Variants in DNER observed in about 807,000 individuals in gnomAD.
DNER encodes the protein delta and Notch-like epidermal growth factor-related receptor.
Under a neutral mutation model 78.2 loss-of-function variants are expected in DNER, and 33 were observed. The ratio of observed to expected loss-of-function variants is 0.42; its 90% CI spans 0.32 to 0.56. DNER has a LOEUF of 0.56. Among genes scored for constraint, DNER ranks in the 20% least tolerant of loss-of-function variants. DNER has a pLI of 0.11. For synonymous variants in DNER, 417 were observed against 384.8 expected (o/e 1.08, Z -0.98); for missense variants, 918 against 975.3 (o/e 0.94, Z 0.78).
intron 7 of DNER, among the ~76,000 whole-genome samples, chr2:229,451,025 C>T (rs1033561551): frequency 1.3e-5 from 2 of 152,214 alleles, no homozygotes; most frequent in Admixed American, 6.5e-5. Flanking sequence ...TCCCATCGTC[C>T]ACTGCCTCTA....
At chr2:229,554,286 G>A (rs1344595110) in intron 4 of DNER, among the ~76,000 whole-genome samples, 1 of 152,186 alleles carries the variant, frequency 6.6e-6, no homozygotes, top group African/African-American at 2.4e-5. Context: ...AGCCAGGCAT[G>A]GTGGCTCACA....
At chr2:229,361,805 A>T (rs1207818434) in intron 12 of DNER, among the ~76,000 whole-genome samples, 1 of 151,790 alleles carries the variant, frequency 6.6e-6, no homozygotes, top group Non-Finnish European at 1.5e-5. Flanking sequence ...ACTTTTTTCA[A>T]TCGATAGTCT....
At chr2:229,669,049 G>A (rs1699161727) in intron 1 of DNER, among the ~76,000 whole-genome samples, 1 of 152,066 alleles carries the variant, frequency 6.6e-6, no homozygotes. Flanking sequence ...CATAAAAAAG[G>A]ATGAGTTCAT....
intron 5 of DNER, among the ~76,000 whole-genome samples, chr2:229,539,847 C>A (rs1559160984): frequency 2.0e-5 from 3 of 152,132 alleles, no homozygotes; most frequent in South Asian, 2.1e-4. Context: ...TACTTGCAAA[C>A]CTCTCCCACA....
chr2:229,697,022 G>A (rs1699672465), intron 1 of DNER, among the ~76,000 whole-genome samples: 1 of 152,102 alleles, frequency 6.6e-6, no homozygotes, highest in African/African-American at 2.4e-5. Flanking sequence ...TAAAAACTGA[G>A]ACTCAAACAC....
intron 11 of DNER, among the ~76,000 whole-genome samples, chr2:229,386,949 C>T (rs1692880822): frequency 6.6e-6 from 1 of 152,022 alleles, no homozygotes; most frequent in African/African-American, 2.4e-5. Flanking sequence ...CCAGAAATAC[C>T]ATTTGACCCA....
At chr2:229,427,289 C>T (rs1446034355) in intron 8 of DNER, among the ~76,000 whole-genome samples, 1 of 152,210 alleles carries the variant, frequency 6.6e-6, no homozygotes, top group African/African-American at 2.4e-5. Context: ...TGCAGAGGCT[C>T]TCTGGCTTTA....
intron 1 of DNER, among the ~76,000 whole-genome samples, chr2:229,628,839 A>G (rs1698389349): frequency 6.6e-6 from 1 of 152,198 alleles, no homozygotes; most frequent in South Asian, 2.1e-4. Flanking sequence ...TCAAAAAGGT[A>G]CTACCCCTGG....
At chr2:229,399,205 C>A (rs1264819879) in intron 10 of DNER, among the ~76,000 whole-genome samples, 1 of 151,588 alleles carries the variant, frequency 6.6e-6, no homozygotes, top group African/African-American at 2.4e-5. Context: ...CTAGTAAGTT[C>A]AGCAAGGTCA....
Position 229,686,854 on chromosome 2 carries a change from G to A in DNER, c.276+27294C>T, listed in dbSNP as rs73095394. 4.2e-3 allele frequency among the ~76,000 whole-genome samples: 640 copies of A among 152,240 alleles called. 5 individuals are homozygous for A. The highest frequency in any genetic ancestry group is 0.015 in the African/African-American group (603 of 41,534). ...ATGCTAGGGAAGAGGAGTCTTTTGT[G>A]GACTTACAATCAATTCCCTTCACAT... On this transcript the variant is annotated intron_variant, in intron 1 of 12. Transcript: ENST00000341772.
intron 6 of DNER, among the ~76,000 whole-genome samples, chr2:229,504,099 T>A (rs1695683128): frequency 6.6e-6 from 1 of 152,178 alleles, no homozygotes; most frequent in Non-Finnish European, 1.5e-5. Flanking sequence ...GGAGATGGCC[T>A]GTGGTGACGT....
intron 4 of DNER, among the ~76,000 whole-genome samples, chr2:229,555,997 T>A (rs564516760): frequency 1.3e-5 from 2 of 152,232 alleles, no homozygotes; most frequent in Non-Finnish European, 2.9e-5. Flanking sequence ...TTAAGATCTA[T>A]ATCATCTCTG....
Position 229,604,431 on chromosome 2 carries a change from GTTC to G in DNER, c.277-12546_277-12544del, listed in dbSNP as rs1197543386. Among the ~76,000 whole-genome samples, 3 of 152,170 alleles carry G rather than the reference GTTC, an allele frequency of 2.0e-5. No homozygotes were observed. In the East Asian group the frequency reaches 5.8e-4, roughly 29 times the overall value. ...CAGAGTATTCCCTACCAGGAAGAGT[GTTC>G]TTCTGTATCTGTTAGGCTCGGTGGC... On this transcript the variant is annotated intron_variant, in intron 1 of 12. Transcript: ENST00000341772.
At chr2:229,424,485 T>C (rs958943813) in intron 8 of DNER, among the ~76,000 whole-genome samples, 1 of 152,138 alleles carries the variant, frequency 6.6e-6, no homozygotes, top group African/African-American at 2.4e-5. Flanking sequence ...TCCCAGAGTT[T>C]TGGAGGCTAG....
intron 6 of DNER, among the ~76,000 whole-genome samples, chr2:229,485,852 C>G (rs977092803): frequency 2.6e-5 from 4 of 152,144 alleles, no homozygotes; most frequent in African/African-American, 9.7e-5. Flanking sequence ...TGCTTTGGCT[C>G]TCTAAGGCAG....
intron 4 of DNER, among the ~76,000 whole-genome samples, chr2:229,554,791 A>G (rs1303113162): frequency 2.6e-5 from 4 of 151,696 alleles, no homozygotes; most frequent in Non-Finnish European, 5.9e-5. Context: ...GGAAGGGGAG[A>G]CTGCAGTGAG....
intron 5 of DNER, among the ~76,000 whole-genome samples, chr2:229,528,052 G>A (rs1317972255): frequency 2.0e-5 from 3 of 152,094 alleles, no homozygotes; most frequent in East Asian, 3.9e-4. Flanking sequence ...CTAATGACTC[G>A]AACTCAGAAA....
intron 1 of DNER, among the ~76,000 whole-genome samples, chr2:229,694,941 C>T (rs752496398): frequency 6.6e-6 from 1 of 152,100 alleles, no homozygotes; most frequent in Non-Finnish European, 1.5e-5. Context: ...TTGGCTGGGC[C>T]CCCACCCAAA....
At chr2:229,487,289 A>G (rs1695296582) in intron 6 of DNER, among the ~76,000 whole-genome samples, 1 of 152,252 alleles carries the variant, frequency 6.6e-6, no homozygotes, top group East Asian at 1.9e-4. Context: ...CAGGGACACT[A>G]TAAATACTCA....
Sources: allele counts gnomAD v4.1 joint callset (sites outside exome capture counted in the v4.1 genomes callset), GRCh38; gene constraint gnomAD v4.1.1; transcripts MANE v1.5; gene names NCBI Gene and HGNC (gene_info 2026-07-23, HGNC 2026-07-21).